ITPK1: variants seen among roughly 807,000 people sequenced by gnomAD.
ITPK1 encodes inositol 1,3,4-trisphosphate 5/6-kinase.
Under a neutral mutation model 45.3 loss-of-function variants are expected in ITPK1, and 21 were observed. The ratio of observed to expected loss-of-function variants is 0.46; its 90% CI spans 0.33 to 0.67. The LOEUF (loss-of-function observed/expected upper bound fraction) is 0.67, where lower values mean the gene tolerates loss of function less well. ITPK1 is among the 30% of genes least tolerant of loss of function. The pLI is 0.02. For missense variants in ITPK1, 474 were observed against 573.5 expected, an observed-to-expected ratio of 0.83 and a Z score of 1.77; for synonymous variants, 258 against 253.6, an observed-to-expected ratio of 1.02 and a Z score of -0.16.
chr14:93,040,786 G>T (rs573628463), intron 3 of ITPK1, among the ~76,000 whole-genome samples: 1 of 152,146 alleles, frequency 6.6e-6, no homozygotes, highest in East Asian at 1.9e-4. Context: ...CTCTGGGTGG[G>T]GCCGTATGCA....
At chr14:93,020,409 G>GT (rs1888410426) in intron 3 of ITPK1, among the ~76,000 whole-genome samples, 1 of 152,208 alleles carries the variant, frequency 6.6e-6, no homozygotes, top group Non-Finnish European at 1.5e-5. Context: ...TCACTGAGCT[G>GT]TGTGGTACCT....
chr14:93,066,503 C>CG (rs1196412524), intron 3 of ITPK1: 1 of 318,564 alleles, frequency 3.1e-6, no homozygotes, highest in East Asian at 9.4e-5. Context: ...CTCCCGCGTT[C>CG]GCGCCATTCT....
In ITPK1 at chr14:93,077,080, G is replaced by A. The variant is rs140372761; in HGVS notation, c.96-461C>T. On this transcript the variant is annotated intron_variant, in intron 2 of 10. Coordinates refer to ENST00000267615, the MANE Select transcript of ITPK1 (RefSeq NM_014216.6). ...CCCCAACCCATCCACTGCCACACAC[G>A]GGAGGCCCACACAGTCCTGCCCGCT... Among the ~76,000 whole-genome samples, 184 of 152,114 alleles carry A rather than the reference G, an allele frequency of 1.2e-3. 2 individuals carry two copies. Among genetic ancestry groups the A allele is most frequent in the African/African-American group, 4.2e-3 (175 of 41,478 alleles).
At chr14:93,008,906 G>T (rs1013604894) in intron 4 of ITPK1, among the ~76,000 whole-genome samples, 5 of 152,204 alleles carry the variant, frequency 3.3e-5, no homozygotes, top group African/African-American at 9.7e-5. Context: ...CCCAGAAACT[G>T]CACCCAGTGG....
chr14:92,969,092 G>C (rs574569896), intron 5 of ITPK1, among the ~76,000 whole-genome samples: 1 of 152,264 alleles, frequency 6.6e-6, no homozygotes, highest in African/African-American at 2.4e-5. Flanking sequence ...CATGAAGTGA[G>C]AGTAAATAAG....
At chr14:93,053,559 G>A (rs1210542953) in intron 3 of ITPK1, among the ~76,000 whole-genome samples, 1 of 152,218 alleles carries the variant, frequency 6.6e-6, no homozygotes, top group Non-Finnish European at 1.5e-5. Context: ...TATGGTAATG[G>A]TAGATGCAGG....
chr14:92,940,920 C>T lies in ITPK1; in HGVS notation c.*641G>A. ...GGGGGCCCAGAGGACGCCCAGCTTC[C>T]TTTCCTTCCCTTTAGTGAGGGAGCA... is the stretch of plus-strand genomic sequence containing the variant. On this transcript the variant is annotated 3_prime_UTR_variant, in exon 11 of 11. Coordinates refer to ENST00000267615, the MANE Select transcript of ITPK1 (RefSeq NM_014216.6). 4 of 1,287,644 alleles carry T rather than the reference C, an allele frequency of 3.1e-6. No homozygotes were observed. The highest frequency in any genetic ancestry group is 4.0e-6 in the Non-Finnish European group (4 of 988,642). 79.8% of individuals were successfully genotyped at this position (1,287,644 alleles called of 1,614,324 possible).
chr14:92,968,600 G>C (rs1222400088), intron 5 of ITPK1, among the ~76,000 whole-genome samples: 1 of 152,184 alleles, frequency 6.6e-6, no homozygotes, highest in African/African-American at 2.4e-5. Context: ...CAGACGAAAT[G>C]CAAGAACAAG....
chr14:92,957,907 G>A (rs779480209), intron 8 of ITPK1, among the ~76,000 whole-genome samples: 1 of 152,212 alleles, frequency 6.6e-6, no homozygotes, highest in Non-Finnish European at 1.5e-5. Context: ...TATCATTATT[G>A]TGTGGGTCCC....
chr14:92,959,552 C>A (rs535952738), intron 7 of ITPK1, among the ~76,000 whole-genome samples: 1 of 152,178 alleles, frequency 6.6e-6, no homozygotes, highest in Admixed American at 6.5e-5. Context: ...AGGAAAAACA[C>A]GAGCAGCTCT....
chr14:93,115,281 G>C lies in ITPK1; in HGVS notation c.-118C>G. On this transcript the variant is annotated 5_prime_UTR_variant, in exon 2 of 11. Transcript: ENST00000267615. ...CTCCCGGCGGCGGGGACGCGGAACG[G>C]GGATCGGAGCTGGGGCGCGCAGTCC... is the stretch of plus-strand genomic sequence containing the variant. The C allele has an allele frequency of 1.6e-6, 1 of 644,342 alleles. No individual in the cohort carries two copies. The highest frequency in any genetic ancestry group is 2.7e-6 in the Non-Finnish European group (1 of 376,802). The allele number at this position is 644,342 out of a possible 1,614,324, so 39.9% of individuals were successfully genotyped here.
chr14:93,103,856 G>A (rs1199604345), intron 2 of ITPK1, among the ~76,000 whole-genome samples: 1 of 152,154 alleles, frequency 6.6e-6, no homozygotes, highest in Non-Finnish European at 1.5e-5. Flanking sequence ...ACTGCCACAG[G>A]AGGGTTCTCT....
rs922608460 is a variant in ITPK1 at position 93,034,104 on chromosome 14, C to T, written c.121-17303G>A. Reference sequence around the variant, plus strand: ...CTATCCAAAGTGTAGCCCCAAAAGCCGTCTAATACTTCCCCATGGGTCCCT... The same window carrying T: ...CTATCCAAAGTGTAGCCCCAAAAGCTGTCTAATACTTCCCCATGGGTCCCT... On this transcript the variant is annotated intron_variant, in intron 3 of 10. Transcript: ENST00000267615. This position sits in a 1 kb window ranked among gnomAD's most constrained non-coding sequence, Gnocchi z 4.1. Among the ~76,000 whole-genome samples, 1 of 152,106 alleles carries T rather than the reference C, an allele frequency of 6.6e-6. No homozygotes were observed. Among genetic ancestry groups the T allele is most frequent in the Admixed American group, 6.5e-5 (1 of 15,274 alleles).
intron 3 of ITPK1, among the ~76,000 whole-genome samples, chr14:93,048,660 CTT>C (rs1213149331): frequency 6.6e-6 from 1 of 152,196 alleles, no homozygotes. Context: ...AAGAAACACT[CTT>C]TCCCAGCTGG....
chr14:92,982,769 G>C (rs1362424964), intron 5 of ITPK1, among the ~76,000 whole-genome samples: 1 of 152,216 alleles, frequency 6.6e-6, no homozygotes, highest in African/African-American at 2.4e-5. Context: ...AGGGGGAAAC[G>C]CAATTGTGAT....
Position 92,958,716 on chromosome 14 carries a change from C to T in ITPK1, c.505-350G>A, listed in dbSNP as rs541563402. 2.0e-5 allele frequency among the ~76,000 whole-genome samples: 3 copies of T among 152,316 alleles called. No homozygotes were observed. The East Asian group carries it at 5.8e-4, about 29-fold the overall frequency. ...GGTTGTGTGCTGCTCAACCCTCTGA[C>T]ATCCTAAAGGATCCTCCACAAAGAC... On this transcript the variant is annotated intron_variant, in intron 7 of 10. Transcript: ENST00000267615. This position sits in a 1 kb window ranked among gnomAD's most constrained non-coding sequence, Gnocchi z 4.4.
intron 2 of ITPK1, among the ~76,000 whole-genome samples, chr14:93,106,321 G>C (rs1892522513): frequency 6.6e-6 from 1 of 151,850 alleles, no homozygotes; most frequent in Admixed American, 6.6e-5. Context: ...AGGTCACACT[G>C]TCAGGAAACA....
intron 9 of ITPK1, among the ~76,000 whole-genome samples, chr14:92,948,161 C>G (rs758049157): frequency 6.6e-6 from 1 of 152,006 alleles, no homozygotes; most frequent in Admixed American, 6.5e-5. Context: ...GAGACAGCAA[C>G]GAGCTCAGCG....
chr14:92,972,187 C>T lies in ITPK1; in HGVS notation c.365-9338G>A, dbSNP rs529223096. ...AGTGAAGCCCACAGCCTTTCCAGGC[C>T]TCCGCAGCCTGACTCTGTACCTTCC... On this transcript the variant is annotated intron_variant, in intron 5 of 10. Transcript: ENST00000267615. 3.9e-5 allele frequency among the ~76,000 whole-genome samples: 6 copies of T among 152,348 alleles called. No individual in the cohort carries two copies. In the East Asian group the frequency reaches 9.6e-4, roughly 24 times the overall value.
Sources: allele counts gnomAD v4.1 joint callset (sites outside exome capture counted in the v4.1 genomes callset), GRCh38; gene constraint gnomAD v4.1.1; non-coding constraint Gnocchi (gnomAD v3.1); transcripts MANE v1.5; gene names NCBI Gene and HGNC (gene_info 2026-07-23, HGNC 2026-07-21).